The following PPFIBP2 variants were observed in gnomAD, a reference collection of about 807,000 sequenced individuals.
The protein encoded by PPFIBP2 is liprin-beta-2.
In PPFIBP2, 118 loss-of-function variants were observed where a neutral mutation model predicts 118.3. The ratio of observed to expected loss-of-function variants is 1.00; its 90% CI spans 0.86 to 1.16. The LOEUF (loss-of-function observed/expected upper bound fraction) is 1.16. Among genes scored for constraint, PPFIBP2 ranks in the 50% most tolerant of loss-of-function variants. The pLI is 0.00. For missense variants in PPFIBP2, 1,195 were observed against 1,073.1 expected (o/e 1.11, Z -1.59); for synonymous variants, 414 against 397.4 (o/e 1.04, Z -0.50).
At chr11:7,529,729 C>T (rs1468250699) in intron 1 of PPFIBP2, among the ~76,000 whole-genome samples, 1 of 152,250 alleles carries the variant, frequency 6.6e-6, no homozygotes. Flanking sequence ...CTGTCAGGTA[C>T]CTGCCCCTGG....
At position 7,648,661 on chromosome 11, in the gene PPFIBP2, G is replaced by A. The variant is rs1853503163; in HGVS notation, c.1797+124G>A. The A allele has an allele frequency of 2.0e-6, 3 of 1,474,882 alleles. No individual in the cohort carries two copies. The Admixed American group carries it at 5.2e-5, about 25-fold the overall frequency. 91.4% of individuals were successfully genotyped at this position (1,474,882 alleles called of 1,614,324 possible). On this transcript the variant is annotated intron_variant, in intron 18 of 23. Transcript: ENST00000299492. ...GATGGAGGAGGCTGAGAGTTCCTCT[G>A]TAGCTGCAGGTTGGCATCCCAGGGC...
chr11:7,584,814 G>T (rs1857842778), intron 3 of PPFIBP2, among the ~76,000 whole-genome samples: 1 of 152,124 alleles, frequency 6.6e-6, no homozygotes, highest in Non-Finnish European at 1.5e-5. Flanking sequence ...CATGTGAGTG[G>T]TGCTTCTGAG....
At chr11:7,515,245 T>C (rs971137390) in intron 1 of PPFIBP2, among the ~76,000 whole-genome samples, 1 of 152,240 alleles carries the variant, frequency 6.6e-6, no homozygotes, top group Non-Finnish European at 1.5e-5. Flanking sequence ...GATGAGGTTT[T>C]CACTGATTGC....
intron 2 of PPFIBP2, among the ~76,000 whole-genome samples, chr11:7,559,235 A>G (rs1238535121): frequency 6.6e-6 from 1 of 152,202 alleles, no homozygotes; most frequent in Non-Finnish European, 1.5e-5. Context: ...ATCTTGCCTT[A>G]TATTTAGGCA....
At chr11:7,593,075 T>C (rs1346782373) in intron 3 of PPFIBP2, 57 bp from the exon 4 acceptor site, 1 of 1,596,306 alleles carries the variant, frequency 6.3e-7, no homozygotes, top group African/African-American at 1.4e-5. Context: ...CATTTAGAAG[T>C]TGGTAAGATG....
In PPFIBP2 at chr11:7,625,895, A is replaced by G. The variant is rs756015174; in HGVS notation, c.826+4A>G. On this transcript the variant is annotated splice_donor_region_variant and intron_variant, in intron 8 of 23. Transcript: ENST00000299492. ...AGTGAGAGTCACACAGAGAGAGGTG[A>G]CTAGCTTGACTCTGACAAAATGCAG... 6 of 1,612,398 alleles carry G rather than the reference A, an allele frequency of 3.7e-6. No homozygotes were observed. Among genetic ancestry groups the G allele is most frequent in the Non-Finnish European group, 5.1e-6 (6 of 1,178,646 alleles).
intron 18 of PPFIBP2, 59 bp from the exon 19 acceptor site, chr11:7,648,740 TC>T: frequency 6.5e-7 from 1 of 1,544,842 alleles, no homozygotes; most frequent in South Asian, 1.1e-5. Flanking sequence ...GACACAGCTT[TC>T]TCTGAGGGCC....
At position 7,616,547 on chromosome 11, in the gene PPFIBP2, A is replaced by G. The variant is rs1424970399; in HGVS notation, c.619-4388A>G. Among the ~76,000 whole-genome samples the G allele has an allele frequency of 1.3e-5, 2 of 152,308 alleles. No homozygotes were observed. The highest frequency in any genetic ancestry group is 2.1e-4 in the South Asian group (1 of 4,824). On this transcript the variant is annotated intron_variant, in intron 6 of 23. Coordinates refer to ENST00000299492, the MANE Select transcript of PPFIBP2 (RefSeq NM_003621.5). The surrounding 1 kb of genome is among the most constrained non-coding windows in gnomAD (Gnocchi z 5.2). ...ATCCACATTTCAGTGAAGTGTTGCA[A>G]AAACGTTGCTTGAGATAATCTTGTA...
chr11:7,632,518 G>A, intron 11 of PPFIBP2: 1 of 176,852 alleles, frequency 5.7e-6, no homozygotes, highest in East Asian at 1.4e-4. Context: ...TTTTAAAAGA[G>A]TCTGCAGTGG....
At chr11:7,525,592 G>A in intron 1 of PPFIBP2, among the ~76,000 whole-genome samples, 1 of 152,204 alleles carries the variant, frequency 6.6e-6, no homozygotes, top group East Asian at 1.9e-4. Context: ...CCGGAATCAG[G>A]TGGCTGGTCA....
downstream of PPFIBP2, chr11:7,657,194 A>G (rs1854762372): frequency 9.3e-6 from 2 of 214,522 alleles, no homozygotes; most frequent in Non-Finnish European, 1.9e-5. Flanking sequence ...AAAGTTCCGA[A>G]AAACTGTTTT....
chr11:7,639,703 ATCTC>A lies in PPFIBP2; in HGVS notation c.1237-23_1237-20del, dbSNP rs1372748263. The stretch of plus-strand genomic sequence containing the variant: ...AACTGAGGCTGACAGTTAAGTCGGT[ATCTC>A]TCTCTTTCTCTCACCTTCCAATAGG... On this transcript the variant is annotated intron_variant, in intron 14 of 23. Transcript: ENST00000299492. The A allele has an allele frequency of 3.1e-6, 5 of 1,613,102 alleles. No individual in the cohort carries two copies. The African/African-American group carries it at 4.0e-5, about 13-fold the overall frequency.
chr11:7,661,415 C>A (rs192306200), downstream of PPFIBP2, among the ~76,000 whole-genome samples: 687 of 151,726 alleles, frequency 4.5e-3, 23 homozygotes, highest in Admixed American at 0.04. Context: ...TCCAAGTAGT[C>A]ATTCAGGAGC....
chr11:7,636,572 C>A (rs1039439480), intron 14 of PPFIBP2, among the ~76,000 whole-genome samples: 1 of 152,036 alleles, frequency 6.6e-6, no homozygotes, highest in Non-Finnish European at 1.5e-5. Flanking sequence ...GCTCAGCAGT[C>A]CCCCCTCCCA....
At position 7,642,391 on chromosome 11, in the gene PPFIBP2, AC is replaced by A; in HGVS notation, c.1612del (p.Leu538SerfsTer39). The A allele has an allele frequency of 6.2e-7, 1 of 1,613,852 alleles. No individual in the cohort carries two copies. The highest frequency in any genetic ancestry group is 8.5e-7 in the Non-Finnish European group (1 of 1,179,902). On this transcript the variant is annotated frameshift_variant, in exon 17 of 24. Transcript: ENST00000299492. LOFTEE classifies it high-confidence loss of function. ...GGCTCCGGGCAACCGCAGGGCCAAGACTCTCTAGGACCAGGGACTCCAAGGG... is the reference window on the plus strand; with the variant it reads ...GGCTCCGGGCAACCGCAGGGCCAAGATCTCTAGGACCAGGGACTCCAAGGG... ...GGLRATAGPR[L>X]SRTRDSKGQK...
intron 1 of PPFIBP2, among the ~76,000 whole-genome samples, chr11:7,529,935 A>G (rs1191371732): frequency 6.6e-6 from 1 of 152,250 alleles, no homozygotes; most frequent in African/African-American, 2.4e-5. Context: ...AGAGACGCAG[A>G]AAACCTGGAG....
chr11:7,518,258 C>T (rs1456274670), intron 1 of PPFIBP2, among the ~76,000 whole-genome samples: 3 of 152,130 alleles, frequency 2.0e-5, no homozygotes, highest in Non-Finnish European at 4.4e-5. Flanking sequence ...GGGAGATGAA[C>T]CGAAGGTTTA....
intron 17 of PPFIBP2, among the ~76,000 whole-genome samples, chr11:7,646,091 A>G (rs1438714714): frequency 6.6e-6 from 1 of 152,236 alleles, no homozygotes; most frequent in African/African-American, 2.4e-5. Context: ...AAAAGGAGTG[A>G]GTAGCCCTCT....
At chr11:7,651,068 T>G in intron 22 of PPFIBP2, 103 bp downstream of exon 22, 1 of 1,255,420 alleles carries the variant, frequency 8.0e-7, no homozygotes, top group Non-Finnish European at 1.1e-6. Flanking sequence ...AAAAAATAGG[T>G]ACTTCATCTG....
Sources: allele counts gnomAD v4.1 joint callset (sites outside exome capture counted in the v4.1 genomes callset), GRCh38; gene constraint gnomAD v4.1.1; non-coding constraint Gnocchi (gnomAD v3.1); transcripts MANE v1.5; gene names NCBI Gene and HGNC (gene_info 2026-07-23, HGNC 2026-07-21).